PEAR1: variants seen among roughly 807,000 people sequenced by gnomAD.
PEAR1 encodes multiple EGF-like domains protein 12.
Under a neutral mutation model 131.2 loss-of-function variants are expected in PEAR1, and 113 were observed. That is an observed-to-expected ratio of 0.86 (90% CI 0.74 to 1.01). PEAR1 has a LOEUF of 1.01. Among genes scored for constraint, PEAR1 ranks in the 50% least tolerant of loss-of-function variants. The pLI, the probability that PEAR1 is intolerant of heterozygous loss-of-function variation, is 0.00. For missense variants in PEAR1, 1,408 were observed against 1,391.1 expected, an observed-to-expected ratio of 1.01 and a Z score of -0.19; for synonymous variants, 565 against 523.3, an observed-to-expected ratio of 1.08 and a Z score of -1.09.
chr1:156,908,780 G>T lies in PEAR1; in HGVS notation c.1241G>T (p.Gly414Val). ...CQEHCLCLHGGVCQATSGLCQ... is the reference protein window; with the variant it reads ...CQEHCLCLHGVVCQATSGLCQ... ...GAGCACTGTCTCTGCCTGCACGGTG[G>T]CGTCTGCCAGGCTACCAGCGGCCTC... is the stretch of plus-strand genomic sequence containing the variant. The change falls in exon 10 of 23, where the codon GGC becomes GTC. Residue 414 changes from glycine (G) to valine (V), a missense_variant. Coordinates refer to ENST00000292357, the MANE Select transcript of PEAR1 (RefSeq NM_001080471.3). The surrounding 1 kb of genome is among the most constrained non-coding windows in gnomAD (Gnocchi z 4.2). 6.2e-7 allele frequency: 1 copy of T among 1,603,128 alleles called. No homozygotes were observed.
chr1:156,910,412 A>T (rs990538252), intron 14 of PEAR1, 32 bp downstream of exon 14: 56 of 1,563,164 alleles, frequency 3.6e-5, no homozygotes, highest in Non-Finnish European at 4.6e-5. Context: ...TCCACCTGCC[A>T]CCAGCAGGGG....
rs565832700 is a variant in PEAR1 at position 156,914,075 on chromosome 1, C to G, written c.2937C>G (p.Tyr979Ter). ...AGCCACAGAGAGACAGTGGCACCTA[C>G]GAGCAGCCCAGCCCCCTGATCCATG... is the stretch of plus-strand genomic sequence containing the variant. ...QPQPQRDSGT[Y>*]EQPSPLIHDR... Residue 979 changes from tyrosine (Y) to a stop codon, truncating the protein, a stop_gained, in exon 22 of 23, where the codon TAC becomes TAG. Transcript: ENST00000292357. LOFTEE classifies it high-confidence loss of function. The G allele has an allele frequency of 6.2e-7, 1 of 1,604,152 alleles. No individual in the cohort carries two copies. The highest frequency in any genetic ancestry group is 1.3e-5 in the African/African-American group (1 of 74,718).
intron 1 of PEAR1, among the ~76,000 whole-genome samples, chr1:156,903,088 C>T (rs1649848979): frequency 6.6e-6 from 1 of 152,030 alleles, no homozygotes; most frequent in Admixed American, 6.5e-5. Flanking sequence ...GTGTCAATAA[C>T]CCCCCATGCC....
intron 16 of PEAR1, 52 bp from the exon 17 acceptor site, chr1:156,912,435 GGAGACTA>G (rs1178081848): frequency 6.2e-7 from 1 of 1,602,382 alleles, no homozygotes; most frequent in East Asian, 2.2e-5. Flanking sequence ...CCCAAAAAAA[GGAGACTA>G]GAGTTTCCTG....
rs1435639586 is a variant in PEAR1 at position 156,909,093 on chromosome 1, G to GA, written c.1411+58dup. 1.9e-6 allele frequency: 3 copies of GA among 1,606,106 alleles called. No homozygotes were observed. In the African/African-American group the frequency reaches 4.0e-5, roughly 21 times the overall value. On this transcript the variant is annotated intron_variant, in intron 11 of 22. Transcript: ENST00000292357. Reference sequence around the variant, plus strand: ...TTGGGGGATGGCCAAGGGAAGAAGGGAGAGTCCAAGAGTATGGGTGGGCCA... The same window carrying GA: ...TTGGGGGATGGCCAAGGGAAGAAGGGAAGAGTCCAAGAGTATGGGTGGGCCA...
chr1:156,897,778 G>T (rs900790660), intron 1 of PEAR1, among the ~76,000 whole-genome samples: 1 of 152,216 alleles, frequency 6.6e-6, no homozygotes, highest in Admixed American at 6.5e-5. Flanking sequence ...TTTCAGGGGT[G>T]GCCTGAGCCA....
intron 6 of PEAR1, among the ~76,000 whole-genome samples, chr1:156,907,099 G>T (rs747214979): frequency 2.0e-5 from 3 of 152,218 alleles, no homozygotes; most frequent in Admixed American, 6.5e-5. Flanking sequence ...AACGGGAATA[G>T]TATTGTCTAC....
At position 156,914,650 on chromosome 1, in the gene PEAR1, G is replaced by C. The variant is rs200635263; in HGVS notation, c.2966G>C (p.Arg989Pro). ...YEQPSPLIHD[R>P]DSVGSQPPLP... ...TATCTTGTCCTCATGTTTCCAGACC[G>C]AGACTCTGTGGGCTCCCAGCCCCCT... Residue 989 changes from arginine (R) to proline (P), a missense_variant, in exon 23 of 23, where the codon CGA becomes CCA. Arg to Pro is a moderately radical substitution (Grantham distance 103, BLOSUM62 -2). Coordinates refer to ENST00000292357, the MANE Select transcript of PEAR1 (RefSeq NM_001080471.3). 9 of 1,611,308 alleles carry C rather than the reference G, an allele frequency of 5.6e-6. No individual in the cohort carries two copies. The highest frequency in any genetic ancestry group is 2.7e-5 in the African/African-American group (2 of 74,882).
chr1:156,911,037 TTTTCTTTCTTTC>T lies in PEAR1; in HGVS notation c.1951+339_1951+350del, dbSNP rs71681254. On this transcript the variant is annotated intron_variant, in intron 15 of 22. Coordinates refer to ENST00000292357, the MANE Select transcript of PEAR1 (RefSeq NM_001080471.3). ...CTTGGGACATTTTCTCTTGATTTCT[TTTTCTTTCTTTC>T]TTTCTTTCTTTCTTTCTTTCTTTCT... 3.9e-3 allele frequency among the ~76,000 whole-genome samples: 437 copies of T among 113,332 alleles called. 3 individuals are homozygous for T. Among genetic ancestry groups the T allele is most frequent in the East Asian group, 8.2e-3 (27 of 3,286 alleles). 74.4% of individuals were successfully genotyped at this position (113,332 alleles called of 152,430 possible). A position where few individuals can be genotyped will look rare whatever the true frequency, so the allele number is the denominator to read the frequency against.
chr1:156,909,152 G>C (rs563782202), intron 11 of PEAR1, 116 bp downstream of exon 11: 2 of 1,381,286 alleles, frequency 1.4e-6, no homozygotes, highest in African/African-American at 2.9e-5. Context: ...TAAGGGTGGA[G>C]GGGCAGCAGC....
At chr1:156,894,507 C>G (rs1306627391) in intron 1 of PEAR1, among the ~76,000 whole-genome samples, 1 of 152,142 alleles carries the variant, frequency 6.6e-6, no homozygotes, top group Non-Finnish European at 1.5e-5. Flanking sequence ...TTTGCAGGTC[C>G]CTGGCTCTCA....
chr1:156,906,685 G>A lies in PEAR1; in HGVS notation c.449G>A (p.Cys150Tyr). The change falls in exon 6 of 23, where the codon TGC becomes TAC. Residue 150 changes from cysteine to tyrosine, a missense_variant. Coordinates refer to ENST00000292357, the MANE Select transcript of PEAR1 (RefSeq NM_001080471.3). ...CCACAGTGTGACAAGCCCTGCAGCT[G>A]CGGCAACAACAGCTCGTGTGATCCC... is the stretch of plus-strand genomic sequence containing the variant. ...WGPQCDKPCS[C>Y]GNNSSCDPKS... 6.2e-7 allele frequency: 1 copy of A among 1,614,206 alleles called. No individual in the cohort carries two copies. Among genetic ancestry groups the A allele is most frequent in the Non-Finnish European group, 8.5e-7 (1 of 1,180,016 alleles).
intron 15 of PEAR1, among the ~76,000 whole-genome samples, 179 bp from the exon 16 acceptor site, chr1:156,912,068 G>C (rs1651270413): frequency 6.6e-6 from 1 of 152,188 alleles, no homozygotes; most frequent in African/African-American, 2.4e-5. Context: ...CTGGAGTTTG[G>C]GGGAGAGATG....
At position 156,912,363 on chromosome 1, in the gene PEAR1, C is replaced by A. The variant is rs767751922; in HGVS notation, c.2068C>A (p.His690Asn). The A allele has an allele frequency of 1.2e-6, 2 of 1,613,584 alleles. No individual in the cohort carries two copies. The change falls in exon 16 of 23, where the codon CAC becomes AAC. Residue 690 changes from histidine to asparagine, a missense_variant. Coordinates refer to ENST00000292357, the MANE Select transcript of PEAR1 (RefSeq NM_001080471.3). The part of the protein sequence containing the change: ...CICPLGWTGH[H>N]CLEGCPLGTF... Reference sequence around the variant, plus strand: ...CTGCCCCCTAGGCTGGACTGGACACCACTGCTTAGAAGGTACCAACAGAAG... The same window carrying A: ...CTGCCCCCTAGGCTGGACTGGACACAACTGCTTAGAAGGTACCAACAGAAG...
chr1:156,914,458 T>G (rs1558151827), intron 22 of PEAR1, among the ~76,000 whole-genome samples, 189 bp from the exon 23 acceptor site: 1 of 152,160 alleles, frequency 6.6e-6, no homozygotes, highest in South Asian at 2.1e-4. Context: ...CATTGGCAGC[T>G]GAGAAGCTAA....
At chr1:156,897,637 G>A (rs911593354) in intron 1 of PEAR1, among the ~76,000 whole-genome samples, 1 of 152,254 alleles carries the variant, frequency 6.6e-6, no homozygotes, top group African/African-American at 2.4e-5. Flanking sequence ...GAGGCCACGC[G>A]GGTCTGTGGT....
Position 156,909,857 on chromosome 1 carries a change from T to C in PEAR1, c.1518T>C (p.Thr506=), listed in dbSNP as rs1485086704. The change falls in exon 12 of 23, where the codon ACT becomes ACC. Residue 506 remains threonine, a synonymous_variant. Transcript: ENST00000292357. ...CAHEAVCSPQ[T]GACTCTPGWH... is the part of the protein sequence containing the mutation. The stretch of plus-strand genomic sequence containing the variant: ...ATGAGGCAGTCTGCAGCCCCCAAAC[T>C]GGAGCCTGTACCTGCACCCCTGGGT... The C allele has an allele frequency of 1.2e-6, 2 of 1,613,804 alleles. No homozygotes were observed. Among genetic ancestry groups the C allele is most frequent in the Non-Finnish European group, 1.7e-6 (2 of 1,179,804 alleles).
intron 15 of PEAR1, 109 bp from the exon 16 acceptor site, chr1:156,912,138 G>T (rs1210426787): frequency 1.8e-5 from 25 of 1,363,236 alleles, no homozygotes; most frequent in East Asian, 2.4e-5. Flanking sequence ...GCTTTGGTGT[G>T]CCCAGGGAGA....
At chr1:156,911,961 T>C (rs1425791730) in intron 15 of PEAR1, among the ~76,000 whole-genome samples, 1 of 152,252 alleles carries the variant, frequency 6.6e-6, no homozygotes, top group Admixed American at 6.5e-5. Flanking sequence ...CCGGGGTAGC[T>C]TGGAAGCCTT....
Sources: gnomAD v4.1 joint callset for allele counts (sites outside exome capture counted in the v4.1 genomes callset) on GRCh38, gnomAD v4.1.1 for gene constraint, Gnocchi (gnomAD v3.1) non-coding constraint, MANE v1.5 for transcripts, NCBI Gene and HGNC (gene_info 2026-07-23, HGNC 2026-07-21) for gene names.